The following PPARGC1A variants were observed in gnomAD, a reference collection of about 807,000 sequenced individuals.
The protein encoded by PPARGC1A is peroxisome proliferator-activated receptor gamma coactivator 1-alpha.
PPARGC1A carries 25 observed loss-of-function variants against 88.7 expected under a neutral mutation model. The observed-to-expected ratio is 0.28, with a 90% CI of 0.21 to 0.39. The LOEUF is 0.39. Among genes scored for constraint, PPARGC1A ranks in the 10% least tolerant of loss-of-function variants. PPARGC1A has a pLI of 1.00. For synonymous variants in PPARGC1A, 363 were observed against 355.6 expected, an observed-to-expected ratio of 1.02 and a Z score of -0.24; for missense variants, 880 against 968.7, an observed-to-expected ratio of 0.91 and a Z score of 1.22.
At chr4:24,058,506 T>C in the PPARGC1A span, among the ~76,000 whole-genome samples, 4 of 152,134 alleles carry the variant, frequency 2.6e-5, no homozygotes, top group African/African-American at 9.7e-5. Flanking sequence ...AGAGACCCTC[T>C]TCCCACCACA....
At chr4:23,999,463 C>T in the PPARGC1A span, among the ~76,000 whole-genome samples, 5 of 152,204 alleles carry the variant, frequency 3.3e-5, no homozygotes, top group Admixed American at 3.3e-4. Flanking sequence ...CTACCTTAAC[C>T]TCTGTGCCCT....
At chr4:23,903,919 C>T (rs1719731040), upstream of PPARGC1A, 1 of 561,820 alleles carries the variant, frequency 1.8e-6, no homozygotes. Flanking sequence ...CCCTCATCAC[C>T]AGAAATAAAA....
the PPARGC1A span, among the ~76,000 whole-genome samples, chr4:24,104,017 T>C: frequency 6.6e-6 from 1 of 152,180 alleles, no homozygotes; most frequent in Non-Finnish European, 1.5e-5. Context: ...ATGTGGCCCC[T>C]ATATTTAGCT....
chr4:23,960,579 T>C, the PPARGC1A span, among the ~76,000 whole-genome samples: 1 of 152,120 alleles, frequency 6.6e-6, no homozygotes, highest in African/African-American at 2.4e-5. Flanking sequence ...TCATAGAGTT[T>C]CGCTGTGCAT....
the PPARGC1A span, among the ~76,000 whole-genome samples, chr4:24,151,671 A>C: frequency 1.3e-5 from 2 of 152,220 alleles, no homozygotes; most frequent in South Asian, 2.1e-4. Context: ...AAAGATGAGT[A>C]GGTACTATTA....
At chr4:24,253,092 C>G in the PPARGC1A span, among the ~76,000 whole-genome samples, 11 of 152,122 alleles carry the variant, frequency 7.2e-5, no homozygotes, top group Non-Finnish European at 1.5e-4. Flanking sequence ...AAAGTCTCTC[C>G]TCTGCAAAAG....
the PPARGC1A span, among the ~76,000 whole-genome samples, chr4:24,387,055 G>A: frequency 1.3e-5 from 2 of 152,034 alleles, no homozygotes; most frequent in Admixed American, 1.3e-4. Flanking sequence ...ATAGACCAAT[G>A]GAACAGAACA....
At chr4:24,328,409 T>A in the PPARGC1A span, among the ~76,000 whole-genome samples, 1 of 152,188 alleles carries the variant, frequency 6.6e-6, no homozygotes, top group African/African-American at 2.4e-5. Flanking sequence ...ATGATTAGGT[T>A]CAGTCCCATT....
chr4:24,312,968 A>T, the PPARGC1A span, among the ~76,000 whole-genome samples: 5 of 152,224 alleles, frequency 3.3e-5, no homozygotes, highest in Non-Finnish European at 7.3e-5. Context: ...AGACCAAAGA[A>T]AAAGGATATT....
the PPARGC1A span, among the ~76,000 whole-genome samples, chr4:24,052,653 A>AT: frequency 2.4e-4 from 36 of 150,940 alleles, no homozygotes; most frequent in East Asian, 7.8e-4. Context: ...AAAAAAAAAA[A>AT]ATATTCCCTG....
the PPARGC1A span, among the ~76,000 whole-genome samples, chr4:23,975,748 CAATA>C: frequency 6.6e-6 from 1 of 152,158 alleles, no homozygotes; most frequent in African/African-American, 2.4e-5. Context: ...AAGAGCATAA[CAATA>C]AATAGTGCAG....
At chr4:24,420,060 G>A in the PPARGC1A span, among the ~76,000 whole-genome samples, 1 of 152,184 alleles carries the variant, frequency 6.6e-6, no homozygotes, top group African/African-American at 2.4e-5. Context: ...GTCAGTTGCT[G>A]ACATTTCTGA....
chr4:24,338,610 C>A, the PPARGC1A span, among the ~76,000 whole-genome samples: 9 of 152,116 alleles, frequency 5.9e-5, no homozygotes, highest in Non-Finnish European at 1.0e-4. Context: ...GGGATACCAA[C>A]CCCCGTTTCA....
At chr4:23,910,289 T>TA in the PPARGC1A span, among the ~76,000 whole-genome samples, 47 of 71,136 alleles carry the variant, frequency 6.6e-4, no homozygotes, top group Non-Finnish European at 1.1e-3. Context: ...CTATATATTA[T>TA]TATATATATT....
At chr4:24,119,402 T>C in the PPARGC1A span, among the ~76,000 whole-genome samples, 1 of 152,138 alleles carries the variant, frequency 6.6e-6, no homozygotes, top group Non-Finnish European at 1.5e-5. Flanking sequence ...GAATTGTTCT[T>C]CCAATTTCTC....
the PPARGC1A span, among the ~76,000 whole-genome samples, chr4:24,032,145 ACACT>A: frequency 9.2e-5 from 14 of 152,244 alleles, no homozygotes; most frequent in African/African-American, 3.4e-4. Flanking sequence ...ATAAAAACTA[ACACT>A]CACTAAATAA....
chr4:24,266,026 G>A, the PPARGC1A span, among the ~76,000 whole-genome samples: 41 of 152,318 alleles, frequency 2.7e-4, no homozygotes, highest in African/African-American at 8.4e-4. Context: ...ACCCAAGCCC[G>A]TAAAAAGGCT....
the PPARGC1A span, among the ~76,000 whole-genome samples, chr4:24,177,681 GA>G: frequency 6.9e-6 from 1 of 144,534 alleles, no homozygotes; most frequent in African/African-American, 2.5e-5. Flanking sequence ...TTTAAAAAAG[GA>G]AAAAAAAAAG....
the PPARGC1A span, among the ~76,000 whole-genome samples, chr4:24,323,950 A>T: frequency 6.6e-6 from 1 of 152,044 alleles, no homozygotes; most frequent in African/African-American, 2.4e-5. Flanking sequence ...CTACACTTCA[A>T]TCTCTCTCTT....
Sources: gnomAD v4.1 joint callset for allele counts (sites outside exome capture counted in the v4.1 genomes callset) on GRCh38, gnomAD v4.1.1 for gene constraint, MANE v1.5 for transcripts, NCBI Gene and HGNC (gene_info 2026-07-23, HGNC 2026-07-21) for gene names.